The following CHRDL2 variants were observed in gnomAD, a reference collection of about 807,000 sequenced individuals.
CHRDL2 encodes the protein chordin-like protein 2.
In CHRDL2, 41 loss-of-function variants were observed where a neutral mutation model predicts 54.3. The observed-to-expected ratio is 0.76, with a 90% CI of 0.59 to 0.98. The LOEUF is 0.98. Among genes scored for constraint, CHRDL2 ranks in the 50% least tolerant of loss-of-function variants. The probability of loss-of-function intolerance (pLI) is 0.00; values close to 1 mark genes in which losing one functional copy is unlikely to be tolerated. For synonymous variants in CHRDL2, 220 were observed against 224.3 expected, an observed-to-expected ratio of 0.98 and a Z score of 0.17; for missense variants, 518 against 562.4, an observed-to-expected ratio of 0.92 and a Z score of 0.80.
rs1591352106 is a variant in CHRDL2, at chr11:74,703,428, A to C, written c.823T>G (p.Leu275Val). 1 of 1,613,286 alleles carries C rather than the reference A, an allele frequency of 6.2e-7. No homozygotes were observed. Among genetic ancestry groups the C allele is most frequent in the East Asian group, 2.2e-5 (1 of 44,876 alleles). The part of the protein sequence containing the change: ...WHPAFRAFGP[L>V]PCILCTCEDG... Reference sequence around the variant, plus strand: ...TCACAGGTGCATAGGATGCAGGGCAAGGGGCCGAAGGCACGGAAGGCCGGG... The same window carrying C: ...TCACAGGTGCATAGGATGCAGGGCACGGGGCCGAAGGCACGGAAGGCCGGG... The change falls in exon 8 of 11, where the codon TTG (leucine) becomes GTG (valine). Residue 275 changes from leucine (L) to valine (V), a missense_variant. Coordinates refer to ENST00000376332, the MANE Select transcript of CHRDL2 (RefSeq NM_001278473.3).
chr11:74,720,519 C>A (rs886933506), intron 1 of CHRDL2, among the ~76,000 whole-genome samples: 1 of 152,172 alleles, frequency 6.6e-6, no homozygotes, highest in African/African-American at 2.4e-5. Context: ...CTCTCTCTGC[C>A]CCACCAGCCA....
intron 6 of CHRDL2, among the ~76,000 whole-genome samples, chr11:74,705,510 C>T (rs1450357975): frequency 1.3e-5 from 2 of 152,198 alleles, no homozygotes; most frequent in Non-Finnish European, 2.9e-5. Flanking sequence ...GGCCCCAGCA[C>T]GGGCTCAGGC....
chr11:74,705,013 G>A (rs976964186), intron 6 of CHRDL2, among the ~76,000 whole-genome samples: 1 of 152,166 alleles, frequency 6.6e-6, no homozygotes, highest in Non-Finnish European at 1.5e-5. Context: ...AACAGAAGGT[G>A]AGCATGCAGT....
intron 4 of CHRDL2, among the ~76,000 whole-genome samples, chr11:74,709,585 G>A (rs1335826314): frequency 1.3e-5 from 2 of 152,116 alleles, no homozygotes; most frequent in African/African-American, 4.8e-5. Flanking sequence ...TGATTTATAA[G>A]TAGTCACTCC....
intron 9 of CHRDL2, 184 bp from the exon 10 acceptor site, chr11:74,697,481 C>T: frequency 3.3e-6 from 2 of 604,140 alleles, no homozygotes; most frequent in South Asian, 1.8e-5. Flanking sequence ...ATCTCTCTGC[C>T]ACTATCCTCA....
Position 74,708,329 on chromosome 11 carries a change from G to A in CHRDL2, c.499C>T (p.Pro167Ser). Residue 167 changes from proline to serine, a missense_variant, in exon 5 of 11, where the codon CCA (proline) becomes TCA (serine). Physicochemically the swap from Pro to Ser is moderately conservative, Grantham distance 74 (BLOSUM62 -1). Transcript: ENST00000376332. ...EPGCPAPLPL[P>S]DSCCQACKDE... ...TTGCAGGCCTGGCAGCAGGAGTCTG[G>A]CAGCGGGAGGGGTGCTGGGCAGCCT... 1 of 1,579,908 alleles carries A rather than the reference G, an allele frequency of 6.3e-7. No homozygotes were observed.
chr11:74,713,563 A>T, intron 2 of CHRDL2, 84 bp from the exon 3 acceptor site: 2 of 1,050,202 alleles, frequency 1.9e-6, no homozygotes, highest in Non-Finnish European at 2.9e-6. Context: ...CTCCCACCCC[A>T]ACTGCAGAAG....
At chr11:74,697,541 C>T in intron 9 of CHRDL2, 2 of 563,382 alleles carry the variant, frequency 3.5e-6, no homozygotes, top group South Asian at 3.7e-5. Context: ...GTCCTAACCC[C>T]TTTCACTCCC....
intron 5 of CHRDL2, among the ~76,000 whole-genome samples, chr11:74,707,302 T>A (rs1422227626): frequency 6.6e-6 from 1 of 152,204 alleles, no homozygotes; most frequent in Non-Finnish European, 1.5e-5. Flanking sequence ...AGTCACCTGA[T>A]TCCTAGTCCA....
intron 9 of CHRDL2, among the ~76,000 whole-genome samples, chr11:74,700,703 A>C (rs946556417): frequency 3.3e-5 from 5 of 150,220 alleles, no homozygotes; most frequent in African/African-American, 1.2e-4. Context: ...CAGTGGCACG[A>C]TCTTAGCTCA....
chr11:74,730,302 A>G (rs75458071), intron 1 of CHRDL2, among the ~76,000 whole-genome samples: 1 of 152,182 alleles, frequency 6.6e-6, no homozygotes, highest in African/African-American at 2.4e-5. Flanking sequence ...AAGTTTTAGC[A>G]AGTTCCTCCT....
At chr11:74,702,577 A>G (rs1675002358) in intron 9 of CHRDL2, among the ~76,000 whole-genome samples, 1 of 152,180 alleles carries the variant, frequency 6.6e-6, no homozygotes, top group Non-Finnish European at 1.5e-5. Flanking sequence ...AGGGAGCACT[A>G]TCGAGCCTTG....
intron 6 of CHRDL2, 67 bp downstream of exon 6, chr11:74,706,420 T>G: frequency 6.7e-7 from 1 of 1,487,660 alleles, no homozygotes; most frequent in South Asian, 1.1e-5. Flanking sequence ...TGCCCCAGAG[T>G]CACGAGATTT....
chr11:74,703,179 T>G, intron 8 of CHRDL2, 126 bp downstream of exon 8: 1 of 1,212,750 alleles, frequency 8.2e-7, no homozygotes, highest in Non-Finnish European at 1.1e-6. Flanking sequence ...TGACATGCCC[T>G]GCATCCTGTG....
At chr11:74,719,039 A>C in intron 1 of CHRDL2, 1 of 561,234 alleles carries the variant, frequency 1.8e-6, no homozygotes, top group Non-Finnish European at 3.2e-6. Context: ...CTTACTGTGC[A>C]ACACTGGGCA....
At chr11:74,711,532 C>G (rs1231819522) in intron 3 of CHRDL2, among the ~76,000 whole-genome samples, 1 of 152,204 alleles carries the variant, frequency 6.6e-6, no homozygotes, top group Non-Finnish European at 1.5e-5. Context: ...CGTCCTCATC[C>G]TGCCAGGTGG....
chr11:74,727,221 T>C (rs1469825471), intron 1 of CHRDL2, among the ~76,000 whole-genome samples: 1 of 152,172 alleles, frequency 6.6e-6, no homozygotes, highest in Admixed American at 6.5e-5. Flanking sequence ...AGGGTCACAG[T>C]TGGAATTGAT....
chr11:74,698,725 C>T (rs1010512679), intron 9 of CHRDL2: 1 of 152,256 alleles, frequency 6.6e-6, no homozygotes, highest in South Asian at 2.1e-4. Context: ...ACACACACCC[C>T]ACATACCCAG....
At chr11:74,708,762 C>A (rs1179291981) in intron 4 of CHRDL2, among the ~76,000 whole-genome samples, 2 of 152,210 alleles carry the variant, frequency 1.3e-5, no homozygotes, top group African/African-American at 4.8e-5. Context: ...TCAAGCTTTT[C>A]CCACTGAAAT....
Sources: gnomAD v4.1 joint callset for allele counts (sites outside exome capture counted in the v4.1 genomes callset) on GRCh38, gnomAD v4.1.1 for gene constraint, MANE v1.5 for transcripts, NCBI Gene and HGNC (gene_info 2026-07-23, HGNC 2026-07-21) for gene names.